WDPCP: variants seen among roughly 807,000 people sequenced by gnomAD.
WDPCP encodes WD repeat containing planar cell polarity effector, also known as WD repeat-containing and planar cell polarity effector protein fritz homolog.
In WDPCP, 71 loss-of-function variants were observed where a neutral mutation model predicts 93.1. The ratio of observed to expected loss-of-function variants is 0.76; its 90% CI spans 0.63 to 0.93. The LOEUF (loss-of-function observed/expected upper bound fraction) is 0.93, where lower values mean the gene tolerates loss of function less well. Ranked by LOEUF, WDPCP falls within the 40% of genes least tolerant of loss-of-function variation. The pLI, the probability that WDPCP is intolerant of heterozygous loss-of-function variation, is 0.00. For missense variants in WDPCP, 844 were observed against 887.4 expected (o/e 0.95, Z 0.62); for synonymous variants, 315 against 315.0 (o/e 1.00, Z 0.00).
intron 10 of WDPCP, among the ~76,000 whole-genome samples, chr2:63,401,746 C>T (rs1036439292): frequency 1.3e-5 from 2 of 152,018 alleles, no homozygotes; most frequent in African/African-American, 2.4e-5. Flanking sequence ...TGGAGGTTGC[C>T]GTGAGCTGAG....
intron 3 of WDPCP, among the ~76,000 whole-genome samples, chr2:63,637,343 C>T (rs1263807694): frequency 6.7e-6 from 1 of 148,222 alleles, no homozygotes; most frequent in Non-Finnish European, 1.5e-5. Flanking sequence ...CAGAGAAAGA[C>T]TCCGTCTCAC....
chr2:63,639,834 A>C (rs1473557156), intron 3 of WDPCP, among the ~76,000 whole-genome samples: 1 of 152,256 alleles, frequency 6.6e-6, no homozygotes, highest in African/African-American at 2.4e-5. Context: ...GAGAAACTAG[A>C]TCACTCACAC....
At chr2:63,136,102 C>G (rs1419170445) in intron 17 of WDPCP, among the ~76,000 whole-genome samples, 1 of 152,052 alleles carries the variant, frequency 6.6e-6, no homozygotes, top group East Asian at 1.9e-4. Context: ...AAAGATGTAG[C>G]CATTGTAGTA....
chr2:63,223,913 A>G (rs1448814872), intron 14 of WDPCP, among the ~76,000 whole-genome samples: 1 of 152,038 alleles, frequency 6.6e-6, no homozygotes, highest in Admixed American at 6.6e-5. Flanking sequence ...TTCTTGCATC[A>G]ATATCACTAT....
chr2:63,818,856 A>G (rs1052866719), intron 1 of WDPCP, among the ~76,000 whole-genome samples: 16 of 152,200 alleles, frequency 1.1e-4, no homozygotes, highest in African/African-American at 3.6e-4. Flanking sequence ...AGGAAGAGAA[A>G]GGCATATATG....
At chr2:63,550,793 A>G (rs73934710) in intron 1 of WDPCP, among the ~76,000 whole-genome samples, 7 of 10,514 alleles carry the variant, frequency 6.7e-4, no homozygotes, top group Non-Finnish European at 8.1e-4. Context: ...ATATATATGT[A>G]TATATATATA....
chr2:63,838,068 C>T, the WDPCP span, among the ~76,000 whole-genome samples: 1 of 151,842 alleles, frequency 6.6e-6, no homozygotes, highest in East Asian at 1.9e-4. Flanking sequence ...GCACTCCAGC[C>T]TGGGTGACAG....
At chr2:63,445,083 TATATC>T (rs1256546601) in intron 6 of WDPCP, among the ~76,000 whole-genome samples, 1 of 152,106 alleles carries the variant, frequency 6.6e-6, no homozygotes, top group Non-Finnish European at 1.5e-5. Flanking sequence ...ATGAGAAAAT[TATATC>T]AGATGACATC....
At chr2:63,407,273 G>C (rs1471080559) in intron 9 of WDPCP, among the ~76,000 whole-genome samples, 1 of 152,132 alleles carries the variant, frequency 6.6e-6, no homozygotes, top group African/African-American at 2.4e-5. Context: ...CTATTGGCCA[G>C]ATCAAGGAGA....
chr2:63,476,470 A>T (rs1699980090), intron 6 of WDPCP, among the ~76,000 whole-genome samples: 1 of 152,096 alleles, frequency 6.6e-6, no homozygotes, highest in Non-Finnish European at 1.5e-5. Flanking sequence ...TAAAGTTATA[A>T]ATTCTCCACA....
At chr2:63,532,377 C>G (rs1327512523) in intron 1 of WDPCP, among the ~76,000 whole-genome samples, 1 of 152,092 alleles carries the variant, frequency 6.6e-6, no homozygotes, top group Non-Finnish European at 1.5e-5. Context: ...AAAGATACTC[C>G]TCAAGAAGAG....
At chr2:63,688,964 C>CCT (rs1223359288) in intron 2 of WDPCP, among the ~76,000 whole-genome samples, 1 of 151,946 alleles carries the variant, frequency 6.6e-6, no homozygotes, top group African/African-American at 2.4e-5. Context: ...GAGCTCTTGC[C>CCT]CTCTCTCTCT....
chr2:63,719,414 C>A (rs1164965401), intron 2 of WDPCP, among the ~76,000 whole-genome samples: 1 of 152,146 alleles, frequency 6.6e-6, no homozygotes, highest in Non-Finnish European at 1.5e-5. Flanking sequence ...AGCCCACCAA[C>A]AAAACCTAGC....
intron 3 of WDPCP, among the ~76,000 whole-genome samples, chr2:63,616,527 A>G (rs1251034291): frequency 6.6e-6 from 1 of 152,192 alleles, no homozygotes; most frequent in Non-Finnish European, 1.5e-5. Flanking sequence ...TCTTTTATAT[A>G]TCCTTTACTC....
intron 9 of WDPCP, among the ~76,000 whole-genome samples, chr2:63,416,680 C>T (rs867838760): frequency 2.0e-5 from 3 of 152,036 alleles, no homozygotes; most frequent in Admixed American, 6.6e-5. Flanking sequence ...CCCGCCACCA[C>T]GTCCAGCTAA....
chr2:63,320,475 A>G (rs1038540192), intron 12 of WDPCP, among the ~76,000 whole-genome samples: 2 of 152,172 alleles, frequency 1.3e-5, no homozygotes, highest in African/African-American at 4.8e-5. Flanking sequence ...AGCAAAAATT[A>G]TAACATTTTG....
intron 13 of WDPCP, among the ~76,000 whole-genome samples, chr2:63,287,596 T>C (rs2104985597): frequency 6.6e-6 from 1 of 152,324 alleles, no homozygotes; most frequent in African/African-American, 2.4e-5. Context: ...TCATTCTGTT[T>C]TACAGTTTTC....
At chr2:63,779,263 C>T (rs945893136) in intron 2 of WDPCP, among the ~76,000 whole-genome samples, 2 of 152,218 alleles carry the variant, frequency 1.3e-5, no homozygotes, top group African/African-American at 4.8e-5. Context: ...TGTGAAAATG[C>T]TGGAACTGTT....
chr2:63,678,093 T>C (rs1378939923), intron 2 of WDPCP, among the ~76,000 whole-genome samples: 2 of 152,198 alleles, frequency 1.3e-5, no homozygotes, highest in African/African-American at 2.4e-5. Context: ...ATTTTTCTAA[T>C]ATAACAAGAA....
Sources: allele counts gnomAD v4.1 joint callset (sites outside exome capture counted in the v4.1 genomes callset), GRCh38; gene constraint gnomAD v4.1.1; transcripts MANE v1.5; gene names NCBI Gene and HGNC (gene_info 2026-07-23, HGNC 2026-07-21).